Variants in EXD2 observed in about 807,000 individuals in gnomAD.
EXD2 encodes exonuclease 3'-5' domain-containing protein 2.
A neutral mutation model predicts 62.5 loss-of-function variants in EXD2; 40 were observed. That is an observed-to-expected ratio of 0.64 (90% CI 0.50 to 0.83). EXD2 has a LOEUF of 0.83. EXD2 is among the 40% of genes least tolerant of loss of function. The pLI is 0.00. For missense variants in EXD2, 671 were observed against 761.8 expected, an observed-to-expected ratio of 0.88 and a Z score of 1.40; for synonymous variants, 239 against 291.9, an observed-to-expected ratio of 0.82 and a Z score of 1.85.
intron 3 of EXD2, chr14:69,224,426 A>G (rs1000102246): frequency 6.6e-6 from 1 of 152,288 alleles, no homozygotes; most frequent in Admixed American, 6.5e-5. Flanking sequence ...ACCAGGCTCT[A>G]CCTCCAACAT....
At chr14:69,199,958 C>G (rs2042336027) in intron 1 of EXD2, among the ~76,000 whole-genome samples, 1 of 152,142 alleles carries the variant, frequency 6.6e-6, no homozygotes, top group South Asian at 2.1e-4. Flanking sequence ...ATGTGCTATA[C>G]TTTTATACGA....
intron 3 of EXD2, among the ~76,000 whole-genome samples, chr14:69,220,396 G>A (rs1391687137): frequency 2.0e-5 from 3 of 146,678 alleles, no homozygotes; most frequent in Non-Finnish European, 3.0e-5. Context: ...TCAGCCTCCC[G>A]AGTAGCTGGG....
intron 2 of EXD2, among the ~76,000 whole-genome samples, chr14:69,205,056 AT>A (rs2042541934): frequency 2.6e-5 from 4 of 152,208 alleles, no homozygotes; most frequent in Admixed American, 2.6e-4. Context: ...GAACATTCTT[AT>A]ATGAGTCTTT....
intron 2 of EXD2, chr14:69,208,740 A>G (rs558658143): frequency 6.6e-6 from 1 of 152,290 alleles, no homozygotes; most frequent in South Asian, 2.1e-4. Context: ...TGCATCTTGT[A>G]TATCTCTCTA....
At position 69,240,898 on chromosome 14, in the gene EXD2, A is replaced by G. The variant is rs1231644127; in HGVS notation, c.1664A>G (p.Asn555Ser). Residue 555 changes from asparagine (N) to serine (S), a missense_variant, in exon 10 of 10, where the codon AAC becomes AGC. By Grantham distance (46) the Asn-to-Ser change is conservative (BLOSUM62 1). Coordinates refer to ENST00000685843, the MANE Select transcript of EXD2 (RefSeq NM_001193360.2). Reference protein sequence around the residue: ...ASLETRISNENYVPHGLKVVQ... With the variant: ...ASLETRISNESYVPHGLKVVQ... ...TGTTTTGGCAGAATCTCCAATGAAAACTATGTTCCTCACGGGCTGAAGGTG... is the reference window on the plus strand; with the variant it reads ...TGTTTTGGCAGAATCTCCAATGAAAGCTATGTTCCTCACGGGCTGAAGGTG... The G allele has an allele frequency of 1.9e-6, 3 of 1,612,858 alleles. No individual in the cohort carries two copies. Among genetic ancestry groups the G allele is most frequent in the Non-Finnish European group, 2.5e-6 (3 of 1,179,376 alleles).
chr14:69,236,763 A>G (rs1358655704), intron 8 of EXD2, among the ~76,000 whole-genome samples: 4 of 152,172 alleles, frequency 2.6e-5, no homozygotes, highest in African/African-American at 7.2e-5. Flanking sequence ...GTGCAACACC[A>G]TACTCAGTAA....
intron 6 of EXD2, chr14:69,235,813 G>A: frequency 1.9e-6 from 1 of 528,678 alleles, no homozygotes; most frequent in South Asian, 2.0e-5. Context: ...TAATGTCCTA[G>A]TCCATAAGTG....
chr14:69,195,717 T>C (rs2042182980), intron 1 of EXD2, among the ~76,000 whole-genome samples: 1 of 152,164 alleles, frequency 6.6e-6, no homozygotes, highest in African/African-American at 2.4e-5. Context: ...CAACCACTAA[T>C]ATTTCTGTCT....
rs60787528 is a variant in EXD2 at position 69,206,455 on chromosome 14, C to CCTTTTTTTTTTTTTTTTTTTTTTTTTTT, written c.-48+2455_-48+2456insCTTTTTTTTTTTTTTTTTTTTTTTTTTT. Among the ~76,000 whole-genome samples the CCTTTTTTTTTTTTTTTTTTTTTTTTTTT allele has an allele frequency of 6.3e-5, 6 of 94,644 alleles. 2 individuals carry two copies. Among genetic ancestry groups the CCTTTTTTTTTTTTTTTTTTTTTTTTTTT allele is most frequent in the African/African-American group, 1.8e-4 (4 of 22,182 alleles). The allele number at this position is 94,644 out of a possible 152,430, so 62.1% of individuals were successfully genotyped here. ...CCCAGCTTCATCTCCCACCCACCCACTTTTTTTTTTTTTTTTTTTTTTTTT... is the reference window on the plus strand; with the variant it reads ...CCCAGCTTCATCTCCCACCCACCCACCTTTTTTTTTTTTTTTTTTTTTTTTTTTTTTTTTTTTTTTTTTTTTTTTTTTT... On this transcript the variant is annotated intron_variant, in intron 2 of 9. Coordinates refer to ENST00000685843, the MANE Select transcript of EXD2 (RefSeq NM_001193360.2).
intron 3 of EXD2, chr14:69,224,267 G>C (rs1032035956): frequency 1.3e-5 from 2 of 153,044 alleles, no homozygotes; most frequent in African/African-American, 4.8e-5. Context: ...CTCCCAAAGT[G>C]CTGGGATTAC....
chr14:69,229,082 G>A lies in EXD2; in HGVS notation c.590+10G>A, dbSNP rs752932014. On this transcript the variant is annotated intron_variant, in intron 4 of 9. Transcript: ENST00000685843. ...TAGCCATGCGGCAGAGGTGTGGTTTGTATGAATGCTGGGATTCCTATAGCT... is the reference window on the plus strand; with the variant it reads ...TAGCCATGCGGCAGAGGTGTGGTTTATATGAATGCTGGGATTCCTATAGCT... The A allele has an allele frequency of 4.3e-6, 7 of 1,612,308 alleles. No homozygotes were observed. In the East Asian group the frequency reaches 1.1e-4, roughly 26 times the overall value.
At chr14:69,208,374 C>A (rs542508239) in intron 2 of EXD2, among the ~76,000 whole-genome samples, 1 of 152,186 alleles carries the variant, frequency 6.6e-6, no homozygotes, top group Non-Finnish European at 1.5e-5. Flanking sequence ...CCACGCCTGG[C>A]TAATTTCTTG....
At chr14:69,210,598 G>T (rs4902701) in intron 3 of EXD2, among the ~76,000 whole-genome samples, 4 of 152,146 alleles carry the variant, frequency 2.6e-5, no homozygotes, top group Non-Finnish European at 4.4e-5. Flanking sequence ...CAGTTGAGGC[G>T]GGGAGTTTAA....
intron 3 of EXD2, among the ~76,000 whole-genome samples, chr14:69,223,455 C>T (rs1410736200): frequency 6.6e-6 from 1 of 152,158 alleles, no homozygotes; most frequent in African/African-American, 2.4e-5. Flanking sequence ...GATTGAAAGG[C>T]AGAAATAAAC....
At chr14:69,195,201 A>G (rs2042161507) in intron 1 of EXD2, among the ~76,000 whole-genome samples, 1 of 139,426 alleles carries the variant, frequency 7.2e-6, no homozygotes, top group African/African-American at 2.7e-5. Flanking sequence ...TGAGTAACAG[A>G]GCGAGACTCT....
intron 3 of EXD2, among the ~76,000 whole-genome samples, chr14:69,212,613 C>T (rs1191858833): frequency 3.3e-5 from 5 of 149,916 alleles, no homozygotes; most frequent in Non-Finnish European, 5.9e-5. Context: ...AACTCATGGG[C>T]TAAAATGATC....
chr14:69,231,866 G>A (rs1255607457), intron 5 of EXD2, among the ~76,000 whole-genome samples: 1 of 146,422 alleles, frequency 6.8e-6, no homozygotes, highest in Non-Finnish European at 1.5e-5. Flanking sequence ...TGCCTTGGTG[G>A]AGTACATTCA....
intron 5 of EXD2, among the ~76,000 whole-genome samples, chr14:69,231,237 A>T (rs575412807): frequency 6.6e-6 from 1 of 152,266 alleles, no homozygotes; most frequent in African/African-American, 2.4e-5. Context: ...ACCTTTCCCC[A>T]TTCCTAATCC....
chr14:69,213,936 C>A (rs529223048), intron 3 of EXD2: 1 of 152,052 alleles, frequency 6.6e-6, no homozygotes, highest in Admixed American at 6.6e-5. Flanking sequence ...TTTCTTATAT[C>A]TCTGACCTTC....
Sources: gnomAD v4.1 joint callset for allele counts (sites outside exome capture counted in the v4.1 genomes callset) on GRCh38, gnomAD v4.1.1 for gene constraint, MANE v1.5 for transcripts, NCBI Gene and HGNC (gene_info 2026-07-23, HGNC 2026-07-21) for gene names.